The following OSBPL8 variants were observed in gnomAD, a reference collection of about 807,000 sequenced individuals.
OSBPL8 encodes the protein oxysterol-binding protein-related protein 8.
In OSBPL8, 59 loss-of-function variants were observed where a neutral mutation model predicts 125.5. That is an observed-to-expected ratio of 0.47 (90% CI 0.38 to 0.58). The LOEUF is 0.58. OSBPL8 is among the 20% of genes least tolerant of loss of function. The pLI is 0.00. For missense variants in OSBPL8, 758 were observed against 1,047.8 expected (o/e 0.72, Z 3.82); for synonymous variants, 330 against 338.9 (o/e 0.97, Z 0.29).
At position 76,539,862 on chromosome 12, in the gene OSBPL8, G is replaced by A. The variant is rs1486030729; in HGVS notation, c.-68+19535C>T. On this transcript the variant is annotated intron_variant, in intron 1 of 23. Transcript: ENST00000261183. ...GTCTAACTTCCCATGAGCAGTCAACGGGTACAACCAAACATAGACCCATAC... is the reference window on the plus strand; with the variant it reads ...GTCTAACTTCCCATGAGCAGTCAACAGGTACAACCAAACATAGACCCATAC... Among the ~76,000 whole-genome samples, 4 of 152,114 alleles carry A rather than the reference G, an allele frequency of 2.6e-5. No homozygotes were observed. In the South Asian group the frequency reaches 6.2e-4, roughly 24 times the overall value.
At chr12:76,527,962 G>A (rs1375449630) in intron 1 of OSBPL8, among the ~76,000 whole-genome samples, 1 of 152,186 alleles carries the variant, frequency 6.6e-6, no homozygotes, top group East Asian at 1.9e-4. Flanking sequence ...CCAACTGTCT[G>A]TTTATCCCTG....
At chr12:76,508,766 C>G in intron 1 of OSBPL8, among the ~76,000 whole-genome samples, 1 of 152,186 alleles carries the variant, frequency 6.6e-6, no homozygotes, top group Non-Finnish European at 1.5e-5. Context: ...TGACAGTTTA[C>G]AAATGCCACG....
At chr12:76,403,954 G>C (rs1444338705) in intron 5 of OSBPL8, among the ~76,000 whole-genome samples, 1 of 152,162 alleles carries the variant, frequency 6.6e-6, no homozygotes, top group African/African-American at 2.4e-5. Flanking sequence ...GGTACTTGCA[G>C]CTCATTTCTC....
chr12:76,391,204 C>A (rs1318509054), intron 10 of OSBPL8, among the ~76,000 whole-genome samples: 2 of 152,138 alleles, frequency 1.3e-5, no homozygotes, highest in African/African-American at 4.8e-5. Flanking sequence ...TTCTATTCGT[C>A]TGAAAGGTTT....
chr12:76,544,865 C>T (rs553661511), intron 1 of OSBPL8, among the ~76,000 whole-genome samples: 1 of 151,944 alleles, frequency 6.6e-6, no homozygotes, highest in African/African-American at 2.4e-5. Context: ...GGAATAATTC[C>T]ATCTGTAAAA....
intron 4 of OSBPL8, among the ~76,000 whole-genome samples, chr12:76,429,014 AT>A (rs1384035891): frequency 6.6e-6 from 1 of 152,092 alleles, no homozygotes; most frequent in Admixed American, 6.5e-5. Flanking sequence ...AGTTAGCAAA[AT>A]CTTACTAATC....
intron 4 of OSBPL8, chr12:76,422,526 A>G (rs1242008152): frequency 4.4e-6 from 2 of 456,474 alleles, no homozygotes; most frequent in South Asian, 3.1e-5. Context: ...AATGAAGGAG[A>G]AAGTTCATTG....
Position 76,355,855 on chromosome 12 carries a change from C to T in OSBPL8, c.*34G>A. 1 of 1,601,032 alleles carries T rather than the reference C, an allele frequency of 6.2e-7. No individual in the cohort carries two copies. The highest frequency in any genetic ancestry group is 8.5e-7 in the Non-Finnish European group (1 of 1,173,938). On this transcript the variant is annotated 3_prime_UTR_variant, in exon 24 of 24. Transcript: ENST00000261183. ...ACACTGGTCCCAGGCCAAATCAGAT[C>T]TTTCTAGTTCACTGATTCAATGGTA...
intron 4 of OSBPL8, among the ~76,000 whole-genome samples, chr12:76,428,698 G>C (rs954932223): frequency 1.3e-5 from 2 of 152,024 alleles, no homozygotes; most frequent in African/African-American, 4.8e-5. Flanking sequence ...CAGACACATA[G>C]AGAACCACTA....
intron 21 of OSBPL8, among the ~76,000 whole-genome samples, chr12:76,360,574 G>C (rs1255555916): frequency 2.0e-5 from 3 of 152,214 alleles, no homozygotes; most frequent in African/African-American, 7.2e-5. Context: ...ACTCTGTGGG[G>C]GGCTCCGACC....
intron 9 of OSBPL8, 81 bp downstream of exon 9, chr12:76,394,564 T>C: frequency 1.0e-6 from 1 of 961,150 alleles, no homozygotes; most frequent in Non-Finnish European, 1.6e-6. Flanking sequence ...AAAATATATT[T>C]CCCCAGAATA....
At chr12:76,550,716 T>C (rs1244060328) in intron 1 of OSBPL8, among the ~76,000 whole-genome samples, 1 of 152,142 alleles carries the variant, frequency 6.6e-6, no homozygotes, top group East Asian at 1.9e-4. Context: ...GTCTAGCCAA[T>C]AAAAAGTACA....
At chr12:76,432,891 C>T (rs1202716484) in intron 4 of OSBPL8, among the ~76,000 whole-genome samples, 1 of 152,114 alleles carries the variant, frequency 6.6e-6, no homozygotes, top group African/African-American at 2.4e-5. Context: ...TTCAACAGCA[C>T]ACTGAAAGAA....
intron 8 of OSBPL8, among the ~76,000 whole-genome samples, chr12:76,395,367 A>G (rs1184534029): frequency 3.9e-5 from 6 of 152,208 alleles, no homozygotes; most frequent in Non-Finnish European, 8.8e-5. Context: ...AAGAAAACTA[A>G]GTACTGAATT....
At chr12:76,550,235 A>T (rs1224670935) in intron 1 of OSBPL8, among the ~76,000 whole-genome samples, 1 of 151,834 alleles carries the variant, frequency 6.6e-6, no homozygotes, top group Non-Finnish European at 1.5e-5. Flanking sequence ...TCATATCCAA[A>T]TTTTTTTTTA....
chr12:76,490,688 G>A (rs931703913), intron 1 of OSBPL8, among the ~76,000 whole-genome samples: 1 of 152,238 alleles, frequency 6.6e-6, no homozygotes, highest in Non-Finnish European at 1.5e-5. Flanking sequence ...AAGAGCTTGG[G>A]AGCCACAAGT....
rs1316903110 is a variant in OSBPL8 at position 76,354,580 on chromosome 12, T to C, written c.*1309A>G. ...TCTATGCTTTCAGGATTCTAAGACA[T>C]ATTTTAGAACAACATATTCCTAAAC... On this transcript the variant is annotated 3_prime_UTR_variant, in exon 24 of 24. Transcript: ENST00000261183. 1.3e-5 allele frequency: 2 copies of C among 151,936 alleles called. No homozygotes were observed. Among genetic ancestry groups the C allele is most frequent in the African/African-American group, 4.8e-5 (2 of 41,426 alleles). The allele number at this position is 151,936 out of a possible 1,614,324, so 9.4% of individuals were successfully genotyped here.
chr12:76,410,241 A>ATT (rs531050908), intron 5 of OSBPL8, among the ~76,000 whole-genome samples: 1 of 150,562 alleles, frequency 6.6e-6, no homozygotes, highest in Non-Finnish European at 1.5e-5. Flanking sequence ...AACACTTAAG[A>ATT]TTTTTTTTTT....
intron 2 of OSBPL8, among the ~76,000 whole-genome samples, chr12:76,471,993 C>A (rs746260500): frequency 6.6e-6 from 1 of 152,168 alleles, no homozygotes; most frequent in Non-Finnish European, 1.5e-5. Flanking sequence ...CTCTTCTGAT[C>A]CCCTCTGCAT....
Sources: allele counts gnomAD v4.1 joint callset (sites outside exome capture counted in the v4.1 genomes callset), GRCh38; gene constraint gnomAD v4.1.1; transcripts MANE v1.5; gene names NCBI Gene and HGNC (gene_info 2026-07-23, HGNC 2026-07-21).